SLC22A9: variants seen among roughly 807,000 people sequenced by gnomAD.
SLC22A9 encodes organic anion transporter 7.
In SLC22A9, 64 loss-of-function variants were observed where a neutral mutation model predicts 50.1. The observed-to-expected ratio is 1.28, with a 90% CI of 1.04 to 1.57. The LOEUF is 1.57. Ranked by LOEUF, SLC22A9 falls within the 40% of genes most tolerant of loss-of-function variation. SLC22A9 has a pLI of 0.00. For synonymous variants in SLC22A9, 261 were observed against 242.5 expected, an observed-to-expected ratio of 1.08 and a Z score of -0.71; for missense variants, 757 against 676.1, an observed-to-expected ratio of 1.12 and a Z score of -1.33.
intron 6 of SLC22A9, among the ~76,000 whole-genome samples, chr11:63,392,488 A>G (rs1364225243): frequency 6.6e-6 from 1 of 152,016 alleles, no homozygotes; most frequent in Non-Finnish European, 1.5e-5. Context: ...GGCTGGATAT[A>G]CTACTCTGGG....
intron 8 of SLC22A9, among the ~76,000 whole-genome samples, chr11:63,408,425 T>G (rs1565191325): frequency 6.6e-6 from 1 of 152,214 alleles, no homozygotes; most frequent in Admixed American, 6.5e-5. Flanking sequence ...GTATCCCACA[T>G]AACCTTCTGA....
intron 9 of SLC22A9, 100 bp downstream of exon 9, chr11:63,408,979 C>A: frequency 2.3e-6 from 3 of 1,285,286 alleles, no homozygotes; most frequent in Non-Finnish European, 2.2e-6. Context: ...TCTCAAAAGG[C>A]TTAGACTTAG....
chr11:63,379,690 TA>T (rs1034825316), intron 5 of SLC22A9, among the ~76,000 whole-genome samples: 1 of 152,130 alleles, frequency 6.6e-6, no homozygotes, highest in African/African-American at 2.4e-5. Context: ...AGACAGCCCA[TA>T]AAAAATGGCC....
chr11:63,371,277 T>A (rs1347308804), intron 2 of SLC22A9, 39 bp downstream of exon 2: 3 of 1,418,564 alleles, frequency 2.1e-6, no homozygotes, highest in South Asian at 2.4e-5. Flanking sequence ...TAAGGGCATT[T>A]TTTATCAACT....
At chr11:63,374,611 T>C (rs191931976) in intron 4 of SLC22A9, among the ~76,000 whole-genome samples, 1 of 152,298 alleles carries the variant, frequency 6.6e-6, no homozygotes, top group Non-Finnish European at 1.5e-5. Flanking sequence ...CTTAGTGTCC[T>C]TGGATATCCT....
At chr11:63,376,336 A>G (rs2014460899) in intron 5 of SLC22A9, among the ~76,000 whole-genome samples, 1 of 152,108 alleles carries the variant, frequency 6.6e-6, no homozygotes, top group African/African-American at 2.4e-5. Flanking sequence ...ATAAGTTCCT[A>G]AAGCATGACT....
At chr11:63,400,434 T>A (rs1824638556) in intron 6 of SLC22A9, among the ~76,000 whole-genome samples, 1 of 151,938 alleles carries the variant, frequency 6.6e-6, no homozygotes, top group African/African-American at 2.4e-5. Flanking sequence ...TTTTGACACA[T>A]AGAATATTGA....
intron 6 of SLC22A9, among the ~76,000 whole-genome samples, chr11:63,405,904 C>CA (rs939398935): frequency 6.6e-6 from 1 of 152,080 alleles, no homozygotes; most frequent in Admixed American, 6.6e-5. Flanking sequence ...TGCTGTCTTC[C>CA]AAAAAATTAA....
rs2015086813 is a variant in SLC22A9, at chr11:63,408,863, C to G, written c.1585C>G (p.Gln529Glu). Residue 529 changes from glutamine to glutamate, a missense_variant, in exon 9 of 10, where the codon CAG becomes GAG. Transcript: ENST00000279178. ...TRNKPLFDTI[Q>E]DEKNERKDPR... ...GAACAAGCCTCTGTTTGACACCATC[C>G]AGGATGAGAAAAATGAGTGAGTAAA... The G allele has an allele frequency of 3.1e-6, 5 of 1,613,744 alleles. No individual in the cohort carries two copies. Among genetic ancestry groups the G allele is most frequent in the Non-Finnish European group, 4.2e-6 (5 of 1,179,884 alleles).
intron 6 of SLC22A9, among the ~76,000 whole-genome samples, chr11:63,396,553 G>A (rs1319571489): frequency 1.3e-5 from 2 of 152,050 alleles, no homozygotes; most frequent in Non-Finnish European, 2.9e-5. Flanking sequence ...ATATCTCCTG[G>A]CTCCTGCAGG....
intron 6 of SLC22A9, among the ~76,000 whole-genome samples, chr11:63,382,656 T>A (rs2014586896): frequency 6.6e-6 from 1 of 152,142 alleles, no homozygotes; most frequent in African/African-American, 2.4e-5. Flanking sequence ...TATTTTGATA[T>A]GTAATTTAGA....
In SLC22A9 at chr11:63,370,399, C is replaced by A. The variant is rs1345427118; in HGVS notation, c.343C>A (p.Pro115Thr). The change falls in exon 1 of 10, where the codon CCC becomes ACC. Residue 115 changes from proline to threonine, a missense_variant. Physicochemically the swap from Pro to Thr is conservative, Grantham distance 38 (BLOSUM62 -1). Transcript: ENST00000279178. ...CAACACAAGTGACGCAGACATGGAG[C>A]CCTGTGTGGATGGCTGGGTGTATGA... ...FPNTSDADME[P>T]CVDGWVYDRI... is the part of the protein sequence containing the mutation. 6.2e-7 allele frequency: 1 copy of A among 1,612,608 alleles called. No individual in the cohort carries two copies.
chr11:63,409,781 G>T (rs551195258), intron 9 of SLC22A9, 21 bp from the exon 10 acceptor site: 2 of 1,611,814 alleles, frequency 1.2e-6, no homozygotes, highest in African/African-American at 2.7e-5. Context: ...TTTTTTGTTG[G>T]TTTCTTTGTA....
rs111752775 is a variant in SLC22A9 at position 63,383,777 on chromosome 11, G to A, written c.1073+1500G>A. On this transcript the variant is annotated intron_variant, in intron 6 of 9. Coordinates refer to ENST00000279178, the MANE Select transcript of SLC22A9 (RefSeq NM_080866.3). ...ATAAAAATGGATGAACAGGTCGGGC[G>A]CAGTGGCTCTCACCTGTAATCCCAG... 2.1e-3 allele frequency among the ~76,000 whole-genome samples: 314 copies of A among 152,272 alleles called. 3 individuals are homozygous for A. The highest frequency in any genetic ancestry group is 6.5e-3 in the African/African-American group (269 of 41,540).
At chr11:63,371,391 T>G (rs756684523) in intron 2 of SLC22A9, among the ~76,000 whole-genome samples, 153 bp downstream of exon 2, 111 of 152,170 alleles carry the variant, frequency 7.3e-4, no homozygotes, top group Non-Finnish European at 1.4e-3. Context: ...GTGTTTTGAG[T>G]GCTATTTTTA....
intron 6 of SLC22A9, among the ~76,000 whole-genome samples, chr11:63,403,306 C>G (rs955304740): frequency 6.6e-6 from 1 of 152,010 alleles, no homozygotes; most frequent in Non-Finnish European, 1.5e-5. Flanking sequence ...TGTAGGCCAA[C>G]AGAGAGTGGG....
intron 6 of SLC22A9, among the ~76,000 whole-genome samples, chr11:63,383,903 G>T (rs147488961): frequency 8.5e-4 from 130 of 152,170 alleles, no homozygotes; most frequent in African/African-American, 2.8e-3. Flanking sequence ...ACAAAAATTA[G>T]TTGGGCGTGG....
intron 6 of SLC22A9, among the ~76,000 whole-genome samples, chr11:63,383,562 A>G (rs1245139523): frequency 6.6e-6 from 1 of 152,192 alleles, no homozygotes; most frequent in Non-Finnish European, 1.5e-5. Flanking sequence ...GTCTGGGAAG[A>G]TAGGAAGAGG....
At chr11:63,387,648 T>G (rs1275749606) in intron 6 of SLC22A9, among the ~76,000 whole-genome samples, 1 of 152,168 alleles carries the variant, frequency 6.6e-6, no homozygotes, top group Non-Finnish European at 1.5e-5. Context: ...CTTTTTTGGT[T>G]CCACTTAAAT....
Sources: allele counts gnomAD v4.1 joint callset (sites outside exome capture counted in the v4.1 genomes callset), GRCh38; gene constraint gnomAD v4.1.1; transcripts MANE v1.5; gene names NCBI Gene and HGNC (gene_info 2026-07-23, HGNC 2026-07-21).